The following PCDHGB3 variants were observed in gnomAD, a reference collection of about 807,000 sequenced individuals.
PCDHGB3 encodes protocadherin gamma-B3.
PCDHGB3 carries 40 observed loss-of-function variants against 59.2 expected under a neutral mutation model. The ratio of observed to expected loss-of-function variants is 0.68; its 90% CI spans 0.52 to 0.88. The LOEUF (loss-of-function observed/expected upper bound fraction) is 0.88. PCDHGB3 is among the 40% of genes least tolerant of loss of function. PCDHGB3 has a pLI of 0.00. For synonymous variants in PCDHGB3, 581 were observed against 503.6 expected (o/e 1.15, Z -2.06); for missense variants, 1,309 against 1,187.9 (o/e 1.10, Z -1.50).
chr5:141,511,403 A>C lies in PCDHGB3; in HGVS notation c.*230A>C. On this transcript the variant is annotated 3_prime_UTR_variant, in exon 4 of 4. Coordinates refer to ENST00000576222, the MANE Select transcript of PCDHGB3 (RefSeq NM_018924.5). Reference sequence around the variant, plus strand: ...TCCGCTGGGAACCCCCATCCAATCAACTGCTGTACCCATGGGGGTAGTGGG... The same window carrying C: ...TCCGCTGGGAACCCCCATCCAATCACCTGCTGTACCCATGGGGGTAGTGGG... 8.5e-6 allele frequency: 8 copies of C among 939,018 alleles called. No individual in the cohort carries two copies. The highest frequency in any genetic ancestry group is 1.2e-5 in the Non-Finnish European group (8 of 650,834). The allele number at this position is 939,018 out of a possible 1,614,324, so 58.2% of individuals were successfully genotyped here. A position where few individuals can be genotyped will look rare whatever the true frequency, so the allele number is the denominator to read the frequency against.
Position 141,432,098 on chromosome 5 carries a change from G to C in PCDHGB3, c.2415+59289G>C, listed in dbSNP as rs771050429. The C allele has an allele frequency of 1.9e-6, 3 of 1,613,938 alleles. No homozygotes were observed. The highest frequency in any genetic ancestry group is 1.7e-5 in the Admixed American group (1 of 59,992). On this transcript the variant is annotated intron_variant, in intron 1 of 3. Transcript: ENST00000576222. The surrounding 1 kb of genome is among the most constrained non-coding windows in gnomAD (Gnocchi z 6.0). ...CTCGCTGAACGTGGCAGACACCAAC[G>C]ACAACCCGCCGGTCTTCCCTCAGGC...
intron 1 of PCDHGB3, chr5:141,374,742 C>T (rs1382250910): frequency 8.7e-6 from 14 of 1,611,846 alleles, no homozygotes; most frequent in African/African-American, 1.3e-5. Flanking sequence ...GGCGGCGACC[C>T]TGTCCGCTCA....
In PCDHGB3 at chr5:141,383,904, C is replaced by T. The variant is rs759650044; in HGVS notation, c.2415+11095C>T. ...GTCTGACAAAGGCAAAAGTACTGAT[C>T]ACAGTTTTAGATGTAAATGATAATG... On this transcript the variant is annotated intron_variant, in intron 1 of 3. Coordinates refer to ENST00000576222, the MANE Select transcript of PCDHGB3 (RefSeq NM_018924.5). The T allele has an allele frequency of 1.1e-5, 18 of 1,613,626 alleles. No homozygotes were observed. The South Asian group carries it at 1.8e-4, about 16-fold the overall frequency.
At position 141,511,574 on chromosome 5, in the gene PCDHGB3, GT is replaced by G. The variant is rs1158598698; in HGVS notation, c.*403del. ...CAGTTCCTCTTTCCCGAGTAAGGTG[GT>G]TGGGGTGTTGAAGTACCAAGTAACC... On this transcript the variant is annotated 3_prime_UTR_variant, in exon 4 of 4. Coordinates refer to ENST00000576222, the MANE Select transcript of PCDHGB3 (RefSeq NM_018924.5). 3.5e-6 allele frequency: 1 copy of G among 287,556 alleles called. No individual in the cohort carries two copies. The highest frequency in any genetic ancestry group is 2.2e-5 in the African/African-American group (1 of 46,340). 17.8% of individuals were successfully genotyped at this position (287,556 alleles called of 1,614,324 possible).
intron 1 of PCDHGB3, chr5:141,378,290 C>G (rs544518611): frequency 6.6e-6 from 1 of 152,232 alleles, no homozygotes; most frequent in Non-Finnish European, 1.5e-5. Flanking sequence ...TTTGGGAGGC[C>G]AAGGCAGGCA....
rs776543767 is a variant in PCDHGB3 at position 141,432,028 on chromosome 5, C to G, written c.2415+59219C>G. The G allele has an allele frequency of 6.2e-7, 1 of 1,614,168 alleles. No homozygotes were observed. The highest frequency in any genetic ancestry group is 2.2e-5 in the East Asian group (1 of 44,882). On this transcript the variant is annotated intron_variant, in intron 1 of 3. Transcript: ENST00000576222. This position sits in a 1 kb window ranked among gnomAD's most constrained non-coding sequence, Gnocchi z 6.0. ...TTCCTAGCTACAACATCACAGTGAC[C>G]GCCACTGACCGGGGAACCCCGCCCC...
rs1306500688 is a variant in PCDHGB3 at position 141,491,142 on chromosome 5, A to T, written c.2416-3665A>T. ...GTGAGGTGCGCACAGCCCGGGCCTTACTGGAGGATGACTCTGACACCCAGC... is the reference window on the plus strand; with the variant it reads ...GTGAGGTGCGCACAGCCCGGGCCTTTCTGGAGGATGACTCTGACACCCAGC... On this transcript the variant is annotated intron_variant, in intron 1 of 3. Coordinates refer to ENST00000576222, the MANE Select transcript of PCDHGB3 (RefSeq NM_018924.5). This position sits in a 1 kb window ranked among gnomAD's most constrained non-coding sequence, Gnocchi z 6.9. 6.2e-7 allele frequency: 1 copy of T among 1,614,090 alleles called. No homozygotes were observed. Among genetic ancestry groups the T allele is most frequent in the Non-Finnish European group, 8.5e-7 (1 of 1,179,976 alleles).
At position 141,371,738 on chromosome 5, in the gene PCDHGB3, C is replaced by G. The variant is rs765693064; in HGVS notation, c.1344C>G (p.Asn448Lys). ...TGCACATCCTTGATGTCAACGACAA[C>G]GTTCCCGTTTTCCACCAGGCCTCCT... ...ITLHILDVND[N>K]VPVFHQASYT... The change falls in exon 1 of 4, where the codon AAC becomes AAG. Residue 448 changes from asparagine to lysine, a missense_variant. Transcript: ENST00000576222. 1 of 1,614,052 alleles carries G rather than the reference C, an allele frequency of 6.2e-7. No individual in the cohort carries two copies.
chr5:141,443,733 C>T (rs7723254), intron 1 of PCDHGB3, among the ~76,000 whole-genome samples: 16,856 of 152,062 alleles, frequency 0.11, 1,109 homozygotes, highest in African/African-American at 0.17. Context: ...TCATACATTT[C>T]CCTATCAGTG....
chr5:141,393,578 GC>G, intron 1 of PCDHGB3: 1 of 1,613,930 alleles, frequency 6.2e-7, no homozygotes. Context: ...TTGAGAACAT[GC>G]CCCCAGGCAC....
At chr5:141,415,043 T>G in intron 1 of PCDHGB3, 2 of 1,613,396 alleles carry the variant, frequency 1.2e-6, no homozygotes, top group Non-Finnish European at 1.7e-6. Flanking sequence ...CTCTTCGCGG[T>G]GGGGGAGCAC....
rs1356190228 is a variant in PCDHGB3, at chr5:141,371,739, G to A, written c.1345G>A (p.Val449Ile). Residue 449 changes from valine (V) to isoleucine (I), a missense_variant, in exon 1 of 4, where the codon GTT (valine) becomes ATT (isoleucine). Physicochemically the swap from Val to Ile is conservative, Grantham distance 29 (BLOSUM62 3). Coordinates refer to ENST00000576222, the MANE Select transcript of PCDHGB3 (RefSeq NM_018924.5). ...GCACATCCTTGATGTCAACGACAACGTTCCCGTTTTCCACCAGGCCTCCTA... is the reference window on the plus strand; with the variant it reads ...GCACATCCTTGATGTCAACGACAACATTCCCGTTTTCCACCAGGCCTCCTA... ...TLHILDVNDN[V>I]PVFHQASYTV... The A allele has an allele frequency of 6.2e-7, 1 of 1,614,036 alleles. No individual in the cohort carries two copies. The highest frequency in any genetic ancestry group is 1.1e-5 in the South Asian group (1 of 91,084).
intron 1 of PCDHGB3, among the ~76,000 whole-genome samples, chr5:141,458,512 TG>T (rs995261761): frequency 1.3e-5 from 2 of 150,194 alleles, no homozygotes; most frequent in East Asian, 1.9e-4. Flanking sequence ...TTTGACACTT[TG>T]TTTTTTTTTT....
intron 1 of PCDHGB3, chr5:141,421,938 T>C (rs777643980): frequency 2.9e-5 from 46 of 1,613,346 alleles, no homozygotes; most frequent in Non-Finnish European, 3.5e-5. Context: ...TCGATGTAAA[T>C]GATCACATCC....
intron 1 of PCDHGB3, chr5:141,402,972 G>C: frequency 6.2e-7 from 1 of 1,608,318 alleles, no homozygotes; most frequent in Non-Finnish European, 8.5e-7. Flanking sequence ...CCAACCAAAT[G>C]CCAGCTCCGC....
chr5:141,487,512 C>T lies in PCDHGB3; in HGVS notation c.2416-7295C>T, dbSNP rs372606253. The stretch of plus-strand genomic sequence containing the variant: ...TGTACACCCTTGGCTTCTGCACCCA[C>T]TCGGAGTGATAGCTTCATGATGGTG... On this transcript the variant is annotated intron_variant, in intron 1 of 3. Transcript: ENST00000576222. This position sits in a 1 kb window ranked among gnomAD's most constrained non-coding sequence, Gnocchi z 5.0. 3.7e-6 allele frequency: 6 copies of T among 1,614,082 alleles called. No homozygotes were observed. The highest frequency in any genetic ancestry group is 5.1e-6 in the Non-Finnish European group (6 of 1,180,044).
At chr5:141,383,731 A>C (rs373290954) in intron 1 of PCDHGB3, 4 of 1,613,882 alleles carry the variant, frequency 2.5e-6, no homozygotes, top group Non-Finnish European at 3.4e-6. Context: ...TGGGGAAGTG[A>C]CATATTCTTT....
intron 1 of PCDHGB3, chr5:141,382,604 A>G (rs746848430): frequency 2.6e-5 from 7 of 268,716 alleles, no homozygotes; most frequent in Non-Finnish European, 3.5e-5. Flanking sequence ...ACAATTTTCT[A>G]TGAAATCAGT....
chr5:141,389,410 GCGGGGTGGTGTTCGCGCAGCGCGC>G, intron 1 of PCDHGB3: 1 of 1,613,600 alleles, frequency 6.2e-7, no homozygotes, highest in Non-Finnish European at 8.5e-7. Context: ...AGCGCGGAGA[GCGGGGTGGTGTTCGCGCAGCGCGC>G]CTTCGACCAC....
Sources: allele counts gnomAD v4.1 joint callset (sites outside exome capture counted in the v4.1 genomes callset), GRCh38; gene constraint gnomAD v4.1.1; non-coding constraint Gnocchi (gnomAD v3.1); transcripts MANE v1.5; gene names NCBI Gene and HGNC (gene_info 2026-07-23, HGNC 2026-07-21).